The following ADGRF5 variants were observed in gnomAD, a reference collection of about 807,000 sequenced individuals.
ADGRF5 encodes G-protein coupled receptor 116.
Under a neutral mutation model 132.3 loss-of-function variants are expected in ADGRF5, and 75 were observed. That is an observed-to-expected ratio of 0.57 (90% CI 0.47 to 0.69). ADGRF5 has a LOEUF of 0.69. ADGRF5 is among the 30% of genes least tolerant of loss of function. The pLI is 0.00. For synonymous variants in ADGRF5, 629 were observed against 597.6 expected (o/e 1.05, Z -0.77); for missense variants, 1,516 against 1,630.6 (o/e 0.93, Z 1.21).
chr6:46,883,997 C>T, intron 5 of ADGRF5, 98 bp downstream of exon 5: 2 of 987,084 alleles, frequency 2.0e-6, no homozygotes, highest in Non-Finnish European at 1.6e-6. Context: ...CCACATCGGA[C>T]TATCAAAGTG....
At chr6:46,893,647 T>C (rs1409906405) in intron 3 of ADGRF5, among the ~76,000 whole-genome samples, 1 of 152,172 alleles carries the variant, frequency 6.6e-6, no homozygotes, top group Non-Finnish European at 1.5e-5. Flanking sequence ...GTGTTTTGGA[T>C]GCACTCTCAT....
chr6:46,953,945 A>T (rs1232028222), intron 1 of ADGRF5, among the ~76,000 whole-genome samples: 1 of 152,044 alleles, frequency 6.6e-6, no homozygotes, highest in Non-Finnish European at 1.5e-5. Context: ...ATGAAACAAT[A>T]AAAACATAAG....
At chr6:46,903,924 A>G (rs1220298761) in intron 2 of ADGRF5, among the ~76,000 whole-genome samples, 2 of 152,216 alleles carry the variant, frequency 1.3e-5, no homozygotes, top group African/African-American at 4.8e-5. Context: ...TGAAGGAGAT[A>G]TGATTTATTC....
In ADGRF5 at chr6:46,893,058, A is replaced by ATT. The variant is rs35014340; in HGVS notation, c.158-4555_158-4554dup. ...GGCAAGAGTGATGGGGACAACAGGG[A>ATT]TTTTTTTTTTTTTTTTTTTTTTTTT... On this transcript the variant is annotated intron_variant, in intron 3 of 20. Transcript: ENST00000283296. Among the ~76,000 whole-genome samples the ATT allele has an allele frequency of 5.6e-3, 489 of 86,712 alleles. 38 individuals are homozygous for ATT. Among genetic ancestry groups the ATT allele is most frequent in the African/African-American group, 0.012 (283 of 22,920 alleles). 56.9% of individuals were successfully genotyped at this position (86,712 alleles called of 152,430 possible). A position where few individuals can be genotyped will look rare whatever the true frequency, so the allele number is the denominator to read the frequency against.
rs1398313823 is a variant in ADGRF5 at position 46,882,189 on chromosome 6, A to G, written c.613-82T>C. The G allele has an allele frequency of 5.5e-6, 5 of 907,004 alleles. No homozygotes were observed. The Admixed American group carries it at 6.8e-5, about 12-fold the overall frequency. The allele number at this position is 907,004 out of a possible 1,614,324, so 56.2% of individuals were successfully genotyped here. On this transcript the variant is annotated intron_variant, in intron 6 of 20. Transcript: ENST00000283296. ...AAAGATCTGAAGCAGAGTAAAAACC[A>G]CATATTCCTAATCACACTAGGTAAA...
rs1217708026 is a variant in ADGRF5, at chr6:46,858,895, T to C, written c.3008A>G (p.Asp1003Gly). 6.2e-7 allele frequency: 1 copy of C among 1,613,982 alleles called. No individual in the cohort carries two copies. Among genetic ancestry groups the C allele is most frequent in the Non-Finnish European group, 8.5e-7 (1 of 1,179,942 alleles). ...FSILMSPDSP[D>G]PSSLLGILLD... ...GAGTATTCCCAGGAGAGAACTAGGA[T>C]CTGGGGAGTCAGGGGACATGAGGAT... Residue 1003 changes from aspartate to glycine, a missense_variant, in exon 17 of 21, where the codon GAT (aspartate) becomes GGT (glycine). Around this residue, in one of 2 missense-constraint regions of ADGRF5, gnomAD observed 571 missense variants for 701.2 expected, o/e 0.81. Transcript: ENST00000283296.
chr6:46,914,721 G>A (rs996456583), intron 1 of ADGRF5, among the ~76,000 whole-genome samples: 15 of 151,694 alleles, frequency 9.9e-5, no homozygotes, highest in Admixed American at 6.6e-5. Context: ...TATCTAGTCC[G>A]TCTTGCATTA....
intron 4 of ADGRF5, chr6:46,887,146 T>A (rs989038913): frequency 3.9e-5 from 6 of 152,186 alleles, no homozygotes; most frequent in Non-Finnish European, 8.8e-5. Context: ...TCACAAGTTG[T>A]TCAACAAAAA....
At chr6:46,906,394 T>A (rs899316928) in intron 2 of ADGRF5, among the ~76,000 whole-genome samples, 1 of 152,020 alleles carries the variant, frequency 6.6e-6, no homozygotes, top group Admixed American at 6.6e-5. Flanking sequence ...CCCTGGGAGG[T>A]CTCTCTTGAA....
chr6:46,860,916 C>CAA, intron 15 of ADGRF5, 22 bp from the exon 16 acceptor site: 2 of 1,490,980 alleles, frequency 1.3e-6, no homozygotes, highest in South Asian at 1.3e-5. Context: ...AAAGCCAACA[C>CAA]AAAAAAAAAT....
intron 17 of ADGRF5, 23 bp downstream of exon 17, chr6:46,858,106 A>T (rs920308552): frequency 1.3e-5 from 20 of 1,541,486 alleles, no homozygotes; most frequent in Non-Finnish European, 1.8e-5. Context: ...ATCTTCCTGA[A>T]AGCTCCGCAC....
intron 1 of ADGRF5, among the ~76,000 whole-genome samples, chr6:46,942,679 A>T (rs1314694881): frequency 1.3e-5 from 2 of 152,230 alleles, no homozygotes; most frequent in Non-Finnish European, 2.9e-5. Flanking sequence ...AAGCCTGCAC[A>T]TAGGACACTT....
chr6:46,942,050 C>G (rs1455837389), intron 1 of ADGRF5, among the ~76,000 whole-genome samples: 1 of 152,186 alleles, frequency 6.6e-6, no homozygotes, highest in Non-Finnish European at 1.5e-5. Flanking sequence ...ACATCCTTAG[C>G]ACCCTGCAAG....
At position 46,870,957 on chromosome 6, in the gene ADGRF5, TA is replaced by T. The variant is rs1770986307; in HGVS notation, c.1411+885del. 8 of 265,056 alleles carry T rather than the reference TA, an allele frequency of 3.0e-5. 1 individual carries two copies. In the South Asian group the frequency reaches 3.1e-4, roughly 10 times the overall value. The allele number at this position is 265,056 out of a possible 1,614,324, so 16.4% of individuals were successfully genotyped here. A position where few individuals can be genotyped will look rare whatever the true frequency, so the allele number is the denominator to read the frequency against. ...TAGGAATGCAAAACTGTTCTACCTG[TA>T]GATATATGATTATTATATAGCTATA... On this transcript the variant is annotated intron_variant, in intron 11 of 20. Coordinates refer to ENST00000283296, the MANE Select transcript of ADGRF5 (RefSeq NM_001098518.2).
intron 7 of ADGRF5, 115 bp downstream of exon 7, chr6:46,881,934 A>G: frequency 1.2e-6 from 1 of 832,926 alleles, no homozygotes; most frequent in Non-Finnish European, 2.1e-6. Context: ...ACCTCTACCA[A>G]ACTGCTCCTG....
chr6:46,908,627 C>G (rs906391923), intron 1 of ADGRF5: 2 of 152,158 alleles, frequency 1.3e-5, no homozygotes, highest in Admixed American at 1.3e-4. Flanking sequence ...ATGTCTGGCC[C>G]TTTTGTACAG....
intron 1 of ADGRF5, among the ~76,000 whole-genome samples, chr6:46,942,052 C>T (rs1378801350): frequency 1.3e-5 from 2 of 152,194 alleles, no homozygotes; most frequent in Non-Finnish European, 2.9e-5. Flanking sequence ...ATCCTTAGCA[C>T]CCTGCAAGCA....
chr6:46,878,590 C>A (rs2150830967), intron 9 of ADGRF5, among the ~76,000 whole-genome samples, 185 bp from the exon 10 acceptor site: 1 of 152,124 alleles, frequency 6.6e-6, no homozygotes, highest in African/African-American at 2.4e-5. Context: ...ATTTCTCATG[C>A]CACAAAGTGG....
At chr6:46,917,327 A>G (rs1257091716) in intron 1 of ADGRF5, among the ~76,000 whole-genome samples, 1 of 152,086 alleles carries the variant, frequency 6.6e-6, no homozygotes, top group Non-Finnish European at 1.5e-5. Flanking sequence ...TTCTCTCCTC[A>G]GCTACTCATC....
Sources: allele counts gnomAD v4.1 joint callset (sites outside exome capture counted in the v4.1 genomes callset), GRCh38; gene constraint gnomAD v4.1.1; regional missense constraint gnomAD v4.1.1; transcripts MANE v1.5; gene names NCBI Gene and HGNC (gene_info 2026-07-23, HGNC 2026-07-21).